Variants in LHFPL3 observed in about 807,000 individuals in gnomAD.
LHFPL3 encodes LHFPL tetraspan subfamily member 3 protein.
A neutral mutation model predicts 19.3 loss-of-function variants in LHFPL3; 5 were observed. The observed-to-expected ratio is 0.26, with a 90% CI of 0.14 to 0.54. LHFPL3 has a LOEUF of 0.54. Ranked by LOEUF, LHFPL3 falls within the 20% of genes least tolerant of loss-of-function variation. The pLI is 0.94. For missense variants in LHFPL3, 249 were observed against 307.4 expected (o/e 0.81, Z 1.42); for synonymous variants, 133 against 126.2 (o/e 1.05, Z -0.36).
chr7:104,500,008 A>G (rs1584362209), intron 1 of LHFPL3, among the ~76,000 whole-genome samples: 2 of 152,360 alleles, frequency 1.3e-5, no homozygotes, highest in East Asian at 3.9e-4. Flanking sequence ...AGTCAGAAAG[A>G]TGAGCACTGT....
At chr7:104,779,892 C>G (rs1794692254) in intron 2 of LHFPL3, among the ~76,000 whole-genome samples, 1 of 152,080 alleles carries the variant, frequency 6.6e-6, no homozygotes, top group Non-Finnish European at 1.5e-5. Flanking sequence ...TGGAACTCTT[C>G]TAAACAATAT....
At chr7:104,347,821 G>A (rs751546642) in intron 1 of LHFPL3, among the ~76,000 whole-genome samples, 1 of 151,890 alleles carries the variant, frequency 6.6e-6, no homozygotes, top group Non-Finnish European at 1.5e-5. Flanking sequence ...GAACCCGGGA[G>A]GCAGAGGTTG....
chr7:104,449,725 C>T (rs1792396040), intron 1 of LHFPL3, among the ~76,000 whole-genome samples: 1 of 152,166 alleles, frequency 6.6e-6, no homozygotes, highest in Non-Finnish European at 1.5e-5. Flanking sequence ...AAGCACAGAA[C>T]AGTTTGAGAC....
At chr7:104,421,456 G>A (rs1791731385) in intron 1 of LHFPL3, among the ~76,000 whole-genome samples, 1 of 152,100 alleles carries the variant, frequency 6.6e-6, no homozygotes, top group Non-Finnish European at 1.5e-5. Flanking sequence ...GATATGAGAT[G>A]CGGTAAAGAA....
chr7:104,348,958 G>A (rs924534127), intron 1 of LHFPL3, among the ~76,000 whole-genome samples: 2 of 141,936 alleles, frequency 1.4e-5, no homozygotes, highest in African/African-American at 5.6e-5. Flanking sequence ...TATTCTCCTC[G>A]TCCTCCTTCT....
intron 2 of LHFPL3, among the ~76,000 whole-genome samples, chr7:104,771,368 G>C (rs1794547460): frequency 6.6e-6 from 1 of 152,080 alleles, no homozygotes; most frequent in Non-Finnish European, 1.5e-5. Flanking sequence ...TGTAGGCAAG[G>C]GAACAAGGGG....
intron 1 of LHFPL3, among the ~76,000 whole-genome samples, chr7:104,727,947 G>C (rs1019500275): frequency 1.3e-5 from 2 of 152,120 alleles, no homozygotes; most frequent in African/African-American, 4.8e-5. Flanking sequence ...ACTGAAGGCA[G>C]AGAAAAGTTA....
intron 1 of LHFPL3, among the ~76,000 whole-genome samples, chr7:104,701,863 C>CT (rs1195144456): frequency 1.7e-4 from 15 of 86,412 alleles, no homozygotes; most frequent in South Asian, 1.3e-3. Context: ...TGTTCTGATT[C>CT]TTTTTTAAAA....
intron 1 of LHFPL3, among the ~76,000 whole-genome samples, chr7:104,348,200 C>T (rs1790108696): frequency 2.0e-5 from 3 of 152,274 alleles, no homozygotes; most frequent in South Asian, 4.1e-4. Flanking sequence ...TCCTGGCCAA[C>T]GTGGTGAAAC....
chr7:104,362,130 C>G (rs1177313041), intron 1 of LHFPL3, among the ~76,000 whole-genome samples: 1 of 152,184 alleles, frequency 6.6e-6, no homozygotes, highest in Non-Finnish European at 1.5e-5. Flanking sequence ...GAGGCTGGGA[C>G]AAGAACTTTG....
Position 104,653,945 on chromosome 7 carries a change from G to A in LHFPL3, c.446-82730G>A, listed in dbSNP as rs78306096. ...AGGTGATGTTGCTTCCCTAAAGACA[G>A]CACTTTTTTGCCCACTACTTAAGCT... On this transcript the variant is annotated intron_variant, in intron 1 of 2. Transcript: ENST00000424859. 4.4e-3 allele frequency among the ~76,000 whole-genome samples: 671 copies of A among 152,280 alleles called. 36 individuals carry two copies. In the East Asian group the frequency reaches 0.11, roughly 24 times the overall value.
At chr7:104,840,308 C>CTTTTTTTTTTTTTTTTTTTTTTTTTTTTT (rs67980957) in intron 2 of LHFPL3, among the ~76,000 whole-genome samples, 2 of 118,376 alleles carry the variant, frequency 1.7e-5, no homozygotes, top group Non-Finnish European at 3.3e-5. Flanking sequence ...TGTGGGTTTT[C>CTTTTTTTTTTTTTTTTTTTTTTTTTTTTT]TTTTTTTTTT....
intron 2 of LHFPL3, among the ~76,000 whole-genome samples, chr7:104,802,644 T>C (rs1355882107): frequency 2.0e-5 from 3 of 152,042 alleles, no homozygotes; most frequent in African/African-American, 7.2e-5. Context: ...GGCTCTAAAA[T>C]TGTAAGAAAT....
intron 1 of LHFPL3, among the ~76,000 whole-genome samples, chr7:104,521,940 G>A (rs946470910): frequency 3.3e-5 from 5 of 152,052 alleles, no homozygotes; most frequent in African/African-American, 9.7e-5. Context: ...CTGTTGGTGG[G>A]ACTGTAAACT....
Position 104,445,265 on chromosome 7 carries a change from T to C in LHFPL3, c.445+116041T>C, listed in dbSNP as rs117443411. Among the ~76,000 whole-genome samples the C allele has an allele frequency of 9.3e-3, 1,415 of 152,280 alleles. 11 individuals carry two copies. Among genetic ancestry groups the C allele is most frequent in the South Asian group, 0.029 (140 of 4,826 alleles). On this transcript the variant is annotated intron_variant, in intron 1 of 2. Transcript: ENST00000424859. ...AACTGAAAAATTAAATTCAGAAGCT[T>C]CAGTATATAGTGATATGGTACAGAC...
chr7:104,514,678 C>T (rs190962386), intron 1 of LHFPL3, among the ~76,000 whole-genome samples: 144 of 152,228 alleles, frequency 9.5e-4, no homozygotes, highest in African/African-American at 3.2e-3. Flanking sequence ...GGATGGTTCT[C>T]AAACCTGATT....
chr7:104,734,225 T>G (rs1031795805), intron 1 of LHFPL3, among the ~76,000 whole-genome samples: 1 of 152,182 alleles, frequency 6.6e-6, no homozygotes, highest in Non-Finnish European at 1.5e-5. Context: ...GGGAGTATCT[T>G]TGTGGCATTC....
At chr7:104,877,420 A>G (rs1001665683) in intron 2 of LHFPL3, among the ~76,000 whole-genome samples, 2 of 152,212 alleles carry the variant, frequency 1.3e-5, no homozygotes, top group African/African-American at 4.8e-5. Flanking sequence ...CAATAAAAGG[A>G]CAAATGACCC....
At chr7:104,800,142 C>T (rs1389484478) in intron 2 of LHFPL3, 1 of 152,272 alleles carries the variant, frequency 6.6e-6, no homozygotes, top group African/African-American at 2.4e-5. Context: ...GTCCTTAAAC[C>T]TAAGGCTAAT....
Sources: gnomAD v4.1 joint callset for allele counts (sites outside exome capture counted in the v4.1 genomes callset) on GRCh38, gnomAD v4.1.1 for gene constraint, MANE v1.5 for transcripts, NCBI Gene and HGNC (gene_info 2026-07-23, HGNC 2026-07-21) for gene names.